Variants in AACS observed in about 807,000 individuals in gnomAD.
AACS encodes acetoacetate-CoA ligase.
In AACS, 69 loss-of-function variants were observed where a neutral mutation model predicts 83.1. The observed-to-expected ratio is 0.83, with a 90% CI of 0.68 to 1.01. The LOEUF (loss-of-function observed/expected upper bound fraction) is 1.01. AACS is among the 50% of genes least tolerant of loss of function. The pLI is 0.00. For missense variants in AACS, 866 were observed against 882.2 expected (o/e 0.98, Z 0.23); for synonymous variants, 333 against 343.4 (o/e 0.97, Z 0.33).
At position 125,102,764 on chromosome 12, in the gene AACS, A is replaced by G. The variant is rs1346546458; in HGVS notation, c.656A>G (p.His219Arg). 1 of 1,614,122 alleles carries G rather than the reference A, an allele frequency of 6.2e-7. No individual in the cohort carries two copies. The highest frequency in any genetic ancestry group is 8.5e-7 in the Non-Finnish European group (1 of 1,180,008). The part of the protein sequence containing the change: ...AVVYNGKEHN[H>R]MEKLQQVVKG... ...GTCTATAATGGCAAAGAGCACAACC[A>G]CATGGAAAAGCTGCAGCAGGTGGTT... The change falls in exon 6 of 18, where the codon CAC becomes CGC. Residue 219 changes from histidine (H) to arginine (R), a missense_variant. His to Arg is a conservative substitution (Grantham distance 29, BLOSUM62 0). Transcript: ENST00000316519.
chr12:125,131,637 AT>A (rs996196662), intron 14 of AACS, among the ~76,000 whole-genome samples: 2 of 151,806 alleles, frequency 1.3e-5, no homozygotes, highest in Non-Finnish European at 2.9e-5. Flanking sequence ...ATGGCTTTTT[AT>A]TTTTATTTTT....
Position 125,134,780 on chromosome 12 carries a change from TTC to T in AACS, c.1620-8_1620-7del, listed in dbSNP as rs1156365132. The stretch of plus-strand genomic sequence containing the variant: ...AGAGCTGCGGTGTGGCCCTGACCTC[TTC>T]TCTCTTTCCAGTGACGGCACCCTCA... On this transcript the variant is annotated splice_polypyrimidine_tract_variant and intron_variant, in intron 15 of 17. Coordinates refer to ENST00000316519, the MANE Select transcript of AACS (RefSeq NM_023928.5). 7 of 1,614,118 alleles carry T rather than the reference TTC, an allele frequency of 4.3e-6. No homozygotes were observed. The highest frequency in any genetic ancestry group is 5.9e-6 in the Non-Finnish European group (7 of 1,179,994).
intron 9 of AACS, among the ~76,000 whole-genome samples, chr12:125,114,870 G>T (rs1043664437): frequency 3.9e-5 from 6 of 151,900 alleles, no homozygotes; most frequent in Middle Eastern, 6.8e-3. Flanking sequence ...TTCCCCGGGC[G>T]CCGGCCCGTG....
intron 1 of AACS, 60 bp downstream of exon 1, chr12:125,065,777 T>C: frequency 1.4e-6 from 2 of 1,449,074 alleles, no homozygotes; most frequent in East Asian, 2.8e-5. Flanking sequence ...GCAGGGTGGT[T>C]GGGTGGTCTC....
chr12:125,080,164 A>G (rs1471352278), intron 3 of AACS, among the ~76,000 whole-genome samples: 1 of 152,142 alleles, frequency 6.6e-6, no homozygotes, highest in African/African-American at 2.4e-5. Flanking sequence ...TAGGGTGCCA[A>G]CCCAGTCGCC....
At chr12:125,082,388 C>T (rs1282967157) in intron 3 of AACS, among the ~76,000 whole-genome samples, 3 of 149,996 alleles carry the variant, frequency 2.0e-5, no homozygotes, top group Non-Finnish European at 3.0e-5. Context: ...ATTGCCTAGG[C>T]TGGTCTCGAA....
chr12:125,070,248 C>T (rs973429937), intron 1 of AACS, among the ~76,000 whole-genome samples: 3 of 152,208 alleles, frequency 2.0e-5, no homozygotes, highest in Admixed American at 6.5e-5. Flanking sequence ...TTCCAATAAA[C>T]CCTGTGTCTG....
Position 125,134,025 on chromosome 12 carries a change from C to T in AACS, c.1572C>T (p.Tyr524=). 6.2e-7 allele frequency: 1 copy of T among 1,614,184 alleles called. No individual in the cohort carries two copies. The highest frequency in any genetic ancestry group is 8.5e-7 in the Non-Finnish European group (1 of 1,180,024). The change falls in exon 15 of 18, where the codon TAC becomes TAT. Residue 524 remains tyrosine (Y), a synonymous_variant. Transcript: ENST00000316519. Reference sequence around the variant, plus strand: ...CAGGTATCTGGGCTCATGGCGACTACTGCAGAATCAACCCCAAGACCGGGG... The same window carrying T: ...CAGGTATCTGGGCTCATGGCGACTATTGCAGAATCAACCCCAAGACCGGGG... ...KFPGIWAHGD[Y]CRINPKTGGI...
Position 125,129,099 on chromosome 12 carries a change from A to C in AACS, c.1424-236A>C. The C allele has an allele frequency of 2.4e-6, 1 of 414,980 alleles. No individual in the cohort carries two copies. The highest frequency in any genetic ancestry group is 4.3e-6 in the Non-Finnish European group (1 of 234,382). The allele number at this position is 414,980 out of a possible 1,614,324, so 25.7% of individuals were successfully genotyped here. On this transcript the variant is annotated intron_variant, in intron 13 of 17. Coordinates refer to ENST00000316519, the MANE Select transcript of AACS (RefSeq NM_023928.5). The surrounding 1 kb of genome is among the most constrained non-coding windows in gnomAD (Gnocchi z 4.3). The stretch of plus-strand genomic sequence containing the variant: ...AGCAGAAATGTTAACACACATGGGA[A>C]TAACAAATCACTACGTCCGAGACAG...
At chr12:125,139,208 T>C (rs1957442974) in intron 17 of AACS, 1 of 152,238 alleles carries the variant, frequency 6.6e-6, no homozygotes, top group African/African-American at 2.4e-5. Context: ...ACTCCTTGTG[T>C]TGAGTAAGAC....
At chr12:125,091,293 T>G in intron 4 of AACS, 133 bp from the exon 5 acceptor site, 1 of 799,098 alleles carries the variant, frequency 1.3e-6, no homozygotes, top group Non-Finnish European at 2.1e-6. Context: ...CGGGGGCTGG[T>G]GGTCAGGATC....
chr12:125,093,782 G>A (rs1014925869), intron 5 of AACS, among the ~76,000 whole-genome samples: 4 of 152,198 alleles, frequency 2.6e-5, no homozygotes, highest in Non-Finnish European at 4.4e-5. Context: ...GCTAGTGTCC[G>A]AGGTATAGAC....
At chr12:125,071,722 G>A (rs761029827) in intron 1 of AACS, among the ~76,000 whole-genome samples, 42 of 152,136 alleles carry the variant, frequency 2.8e-4, no homozygotes, top group South Asian at 6.2e-4. Context: ...ACCTGAAGTC[G>A]GCCGCTTTTG....
At chr12:125,127,201 C>T (rs1028953022) in intron 12 of AACS, 2 of 152,130 alleles carry the variant, frequency 1.3e-5, no homozygotes, top group Admixed American at 6.5e-5. Context: ...TCCTCCCCAC[C>T]GTTGGTTCCT....
chr12:125,142,168 C>T lies in AACS; in HGVS notation c.1958C>T (p.Ala653Val), dbSNP rs199900813. Residue 653 changes from alanine (A) to valine (V), a missense_variant, in exon 18 of 18, where the codon GCT becomes GTT. Physicochemically the swap from Ala to Val is moderately conservative, Grantham distance 64. Coordinates refer to ENST00000316519, the MANE Select transcript of AACS (RefSeq NM_023928.5). Reference sequence around the variant, plus strand: ...GGAAAAGCCGTGGAGCAAGGAGGTGCTTTCTCGAACCCCGAGACCCTGGAT... The same window carrying T: ...GGAAAAGCCGTGGAGCAAGGAGGTGTTTTCTCGAACCCCGAGACCCTGGAT... ...IAGKAVEQGGAFSNPETLDLY... is the reference protein window; with the variant it reads ...IAGKAVEQGGVFSNPETLDLY... 6.2e-7 allele frequency: 1 copy of T among 1,614,214 alleles called. No homozygotes were observed. Among genetic ancestry groups the T allele is most frequent in the South Asian group, 1.1e-5 (1 of 91,088 alleles).
rs189646339 is a variant in AACS at position 125,102,478 on chromosome 12, T to G, written c.571-201T>G. The G allele has an allele frequency of 3.3e-4, 172 of 524,964 alleles. 1 individual carries two copies. The highest frequency in any genetic ancestry group is 3.1e-3 in the African/African-American group (161 of 52,000). 32.5% of individuals were successfully genotyped at this position (524,964 alleles called of 1,614,324 possible). Reference sequence around the variant, plus strand: ...GCTACTGAAGGTTTTTGCCATTTTTTTTTTTAGAGACAGGGTCTCACTCGT... The same window carrying G: ...GCTACTGAAGGTTTTTGCCATTTTTGTTTTTAGAGACAGGGTCTCACTCGT... On this transcript the variant is annotated intron_variant, in intron 5 of 17. Coordinates refer to ENST00000316519, the MANE Select transcript of AACS (RefSeq NM_023928.5).
chr12:125,072,486 C>T (rs941950572), intron 1 of AACS, among the ~76,000 whole-genome samples: 4 of 152,134 alleles, frequency 2.6e-5, no homozygotes, highest in Non-Finnish European at 5.9e-5. Flanking sequence ...ATACCTTTTC[C>T]CCCATTCCTG....
intron 16 of AACS, 109 bp from the exon 17 acceptor site, chr12:125,136,553 A>C (rs943607416): frequency 3.6e-6 from 3 of 823,194 alleles, no homozygotes; most frequent in African/African-American, 1.7e-5. Context: ...CACCGCTGGA[A>C]GGCTTGGGGG....
intron 8 of AACS, among the ~76,000 whole-genome samples, chr12:125,111,546 G>A (rs1280803403): frequency 6.6e-6 from 1 of 152,148 alleles, no homozygotes; most frequent in Non-Finnish European, 1.5e-5. Context: ...TTGCATCTCT[G>A]GAGAAGTGAC....
Sources: gnomAD v4.1 joint callset for allele counts (sites outside exome capture counted in the v4.1 genomes callset) on GRCh38, gnomAD v4.1.1 for gene constraint, Gnocchi (gnomAD v3.1) non-coding constraint, MANE v1.5 for transcripts, NCBI Gene and HGNC (gene_info 2026-07-23, HGNC 2026-07-21) for gene names.